SLC4A10: variants seen among roughly 807,000 people sequenced by gnomAD.
The protein encoded by SLC4A10 is sodium-driven chloride bicarbonate exchanger.
SLC4A10 carries 42 observed loss-of-function variants against 137.7 expected under a neutral mutation model. That is an observed-to-expected ratio of 0.30 (90% CI 0.24 to 0.39). The LOEUF (loss-of-function observed/expected upper bound fraction) is 0.39. Ranked by LOEUF, SLC4A10 falls within the 10% of genes least tolerant of loss-of-function variation. The pLI, the probability that SLC4A10 is intolerant of heterozygous loss-of-function variation, is 1.00. For missense variants in SLC4A10, 925 were observed against 1,355.0 expected (o/e 0.68, Z 4.98); for synonymous variants, 474 against 464.1 (o/e 1.02, Z -0.27).
chr2:161,775,582 T>TA (rs1307042296), intron 2 of SLC4A10, among the ~76,000 whole-genome samples: 1 of 151,770 alleles, frequency 6.6e-6, no homozygotes, highest in African/African-American at 2.4e-5. Flanking sequence ...GAAAAAACAA[T>TA]ATGAAAGAGA....
intron 4 of SLC4A10, among the ~76,000 whole-genome samples, chr2:161,840,305 T>TATTATG (rs915312286): frequency 5.9e-5 from 9 of 152,334 alleles, no homozygotes; most frequent in Admixed American, 5.9e-4. Context: ...AAAGGGCAAA[T>TATTATG]ATTATGATAA....
intron 1 of SLC4A10, among the ~76,000 whole-genome samples, chr2:161,758,329 C>G (rs1462421932): frequency 6.6e-6 from 1 of 151,804 alleles, no homozygotes; most frequent in African/African-American, 2.4e-5. Flanking sequence ...ACCTGAAATA[C>G]AGTATTTTTT....
At chr2:161,686,899 T>A (rs1313879170) in intron 1 of SLC4A10, among the ~76,000 whole-genome samples, 1 of 151,774 alleles carries the variant, frequency 6.6e-6, no homozygotes, top group East Asian at 1.9e-4. Context: ...TTTTTTTTTT[T>A]TGAGATGGAG....
chr2:161,949,749 C>T (rs1339320736), intron 18 of SLC4A10, among the ~76,000 whole-genome samples: 1 of 151,240 alleles, frequency 6.6e-6, no homozygotes, highest in East Asian at 1.9e-4. Flanking sequence ...TTTGCAAACA[C>T]ATAATGAGAT....
intron 19 of SLC4A10, among the ~76,000 whole-genome samples, chr2:161,953,848 C>A (rs1453243416): frequency 2.0e-5 from 3 of 152,192 alleles, no homozygotes; most frequent in African/African-American, 7.2e-5. Context: ...TAAATCCATA[C>A]TCTCTCTAGC....
intron 1 of SLC4A10, among the ~76,000 whole-genome samples, chr2:161,692,147 A>AGGAG (rs960539341): frequency 1.3e-5 from 2 of 152,114 alleles, no homozygotes; most frequent in African/African-American, 4.8e-5. Context: ...GTCTGTGGAA[A>AGGAG]GGACACCCCA....
rs530775127 is a variant in SLC4A10, at chr2:161,792,675, G to A, written c.131-11774G>A. Among the ~76,000 whole-genome samples, 8 of 152,190 alleles carry A rather than the reference G, an allele frequency of 5.3e-5. 1 individual carries two copies. The South Asian group carries it at 1.7e-3, about 32-fold the overall frequency. ...ATAGAGTCCTCTCACAATATAAACA[G>A]GTGTAGCTACCAATTAGGACATGTC... On this transcript the variant is annotated intron_variant, in intron 2 of 26. Transcript: ENST00000446997.
chr2:161,820,868 TTTCCAAAA>T (rs2057558073), intron 3 of SLC4A10, among the ~76,000 whole-genome samples: 1 of 152,196 alleles, frequency 6.6e-6, no homozygotes, highest in Non-Finnish European at 1.5e-5. Flanking sequence ...GCCAAATAGA[TTTCCAAAA>T]TTGGGGTACA....
At chr2:161,732,042 GAA>G (rs2046873677) in intron 1 of SLC4A10, among the ~76,000 whole-genome samples, 2 of 152,292 alleles carry the variant, frequency 1.3e-5, no homozygotes, top group South Asian at 4.1e-4. Context: ...GCAAGGCATG[GAA>G]AAGAGTGCAG....
intron 15 of SLC4A10, among the ~76,000 whole-genome samples, chr2:161,909,032 T>C (rs775461666): frequency 1.6e-5 from 2 of 126,244 alleles, no homozygotes; most frequent in Non-Finnish European, 3.1e-5. Context: ...AATTGAACAA[T>C]GAGAACACAT....
intron 19 of SLC4A10, among the ~76,000 whole-genome samples, chr2:161,953,896 G>A (rs1322270361): frequency 6.6e-6 from 1 of 152,122 alleles, no homozygotes; most frequent in African/African-American, 2.4e-5. Flanking sequence ...AAGTGGATTA[G>A]GCATAAGTTA....
At chr2:161,905,910 G>A in intron 15 of SLC4A10, 23 bp downstream of exon 15, 1 of 1,556,568 alleles carries the variant, frequency 6.4e-7, no homozygotes, top group Non-Finnish European at 8.7e-7. Context: ...TCCCCTGCTG[G>A]CCTTGGGGCT....
chr2:161,763,018 C>A (rs368345740), intron 1 of SLC4A10, among the ~76,000 whole-genome samples: 9 of 152,148 alleles, frequency 5.9e-5, no homozygotes, highest in East Asian at 5.8e-4. Flanking sequence ...GAGAAAACTT[C>A]TTTGAAAGTG....
At chr2:161,897,076 T>A (rs957069750) in intron 11 of SLC4A10, among the ~76,000 whole-genome samples, 7 of 152,134 alleles carry the variant, frequency 4.6e-5, no homozygotes, top group African/African-American at 1.7e-4. Context: ...GGGAAGATTT[T>A]AAAATTATAA....
chr2:161,786,056 C>G (rs1181031701), intron 2 of SLC4A10, among the ~76,000 whole-genome samples: 1 of 151,320 alleles, frequency 6.6e-6, no homozygotes, highest in African/African-American at 2.4e-5. Context: ...CTGTCTGTCT[C>G]TTTTCTGAGG....
At chr2:161,873,727 A>G in intron 7 of SLC4A10, 189 bp from the exon 8 acceptor site, 1 of 504,276 alleles carries the variant, frequency 2.0e-6, no homozygotes, top group East Asian at 3.4e-5. Flanking sequence ...TGGAAGCAGT[A>G]GAGGAAGTAG....
intron 20 of SLC4A10, among the ~76,000 whole-genome samples, chr2:161,958,106 T>A (rs1418593470): frequency 6.6e-6 from 1 of 152,120 alleles, no homozygotes; most frequent in African/African-American, 2.4e-5. Context: ...TCATTTTTAA[T>A]CCACCTTTAA....
At chr2:161,966,474 A>G (rs1354930304) in intron 23 of SLC4A10, among the ~76,000 whole-genome samples, 2 of 152,112 alleles carry the variant, frequency 1.3e-5, no homozygotes, top group Non-Finnish European at 2.9e-5. Flanking sequence ...ACTTTGAGTC[A>G]GGCGCAGTGG....
chr2:161,921,574 G>GT (rs1688137822), intron 15 of SLC4A10, among the ~76,000 whole-genome samples: 1 of 152,220 alleles, frequency 6.6e-6, no homozygotes, highest in Non-Finnish European at 1.5e-5. Context: ...TGATTCACTT[G>GT]TTCAACAAGT....
Sources: gnomAD v4.1 joint callset for allele counts (sites outside exome capture counted in the v4.1 genomes callset) on GRCh38, gnomAD v4.1.1 for gene constraint, MANE v1.5 for transcripts, NCBI Gene and HGNC (gene_info 2026-07-23, HGNC 2026-07-21) for gene names.